TMEM63B: variants seen among roughly 807,000 people sequenced by gnomAD.
TMEM63B encodes transmembrane protein 63B, also known as mechanosensitive cation channel TMEM63B.
Under a neutral mutation model 102.6 loss-of-function variants are expected in TMEM63B, and 23 were observed. The observed-to-expected ratio is 0.22, with a 90% CI of 0.16 to 0.32. The LOEUF is 0.32. Ranked by LOEUF, TMEM63B falls within the 10% of genes least tolerant of loss-of-function variation. TMEM63B has a pLI of 1.00. For missense variants in TMEM63B, 628 were observed against 1,095.9 expected, an observed-to-expected ratio of 0.57 and a Z score of 6.03; for synonymous variants, 444 against 437.0, an observed-to-expected ratio of 1.02 and a Z score of -0.20.
At chr6:44,132,873 C>A (rs539369532) in intron 1 of TMEM63B, among the ~76,000 whole-genome samples, 1 of 152,276 alleles carries the variant, frequency 6.6e-6, no homozygotes, top group South Asian at 2.1e-4. Flanking sequence ...CTAGGAACAT[C>A]AGAAAAGCAC....
At chr6:44,138,623 G>T in intron 6 of TMEM63B, 106 bp downstream of exon 6, 1 of 1,316,448 alleles carries the variant, frequency 7.6e-7, no homozygotes, top group South Asian at 1.2e-5. Context: ...AGCACTCCTC[G>T]CCAGCACAGC....
chr6:44,129,350 A>G (rs1048721276), intron 1 of TMEM63B, among the ~76,000 whole-genome samples: 7 of 146,952 alleles, frequency 4.8e-5, no homozygotes, highest in African/African-American at 1.8e-4. Flanking sequence ...CCTGGGTGAC[A>G]GAGCAAGACT....
rs1767064802 is a variant in TMEM63B, at chr6:44,152,896, G to T, written c.1942+198G>T. ...GGGGGAGAGCCATCAGCTCAGGCCAGACCCAGCTGGCATGTGGGCCCCAGG... is the reference window on the plus strand; with the variant it reads ...GGGGGAGAGCCATCAGCTCAGGCCATACCCAGCTGGCATGTGGGCCCCAGG... On this transcript the variant is annotated intron_variant, in intron 20 of 23. Coordinates refer to ENST00000323267, the MANE Select transcript of TMEM63B (RefSeq NM_018426.3). The surrounding 1 kb of genome is among the most constrained non-coding windows in gnomAD (Gnocchi z 6.4). Among the ~76,000 whole-genome samples, 1 of 152,186 alleles carries T rather than the reference G, an allele frequency of 6.6e-6. No individual in the cohort carries two copies. The highest frequency in any genetic ancestry group is 2.1e-4 in the South Asian group (1 of 4,836).
intron 10 of TMEM63B, among the ~76,000 whole-genome samples, chr6:44,144,327 T>C (rs1037697599): frequency 6.6e-6 from 1 of 152,162 alleles, no homozygotes; most frequent in African/African-American, 2.4e-5. Flanking sequence ...ATATCTTGCA[T>C]GCAAATCAAC....
At chr6:44,138,685 G>A in intron 6 of TMEM63B, 168 bp downstream of exon 6, 1 of 631,540 alleles carries the variant, frequency 1.6e-6, no homozygotes, top group Non-Finnish European at 2.7e-6. Flanking sequence ...AGCCTCTGCT[G>A]TACCCTGAAC....
At chr6:44,135,426 C>A in intron 4 of TMEM63B, 60 bp downstream of exon 4, 1 of 1,553,674 alleles carries the variant, frequency 6.4e-7, no homozygotes, top group South Asian at 1.2e-5. Flanking sequence ...TCTTCTCTCA[C>A]GCTTCTCTTC....
chr6:44,146,695 C>T (rs1765485600), intron 10 of TMEM63B, 152 bp from the exon 11 acceptor site: 3 of 725,776 alleles, frequency 4.1e-6, no homozygotes, highest in South Asian at 3.1e-5. Flanking sequence ...AGGTGATCCT[C>T]CCGCTTCGGC....
chr6:44,147,213 C>T (rs1305111698), intron 11 of TMEM63B, among the ~76,000 whole-genome samples, 164 bp from the exon 12 acceptor site: 2 of 152,082 alleles, frequency 1.3e-5, no homozygotes, highest in Non-Finnish European at 2.9e-5. Flanking sequence ...GAACTTCTGG[C>T]CCTCTAGGGA....
chr6:44,145,274 CAA>C (rs34315211), intron 10 of TMEM63B, among the ~76,000 whole-genome samples: 47 of 105,734 alleles, frequency 4.4e-4, no homozygotes, highest in East Asian at 1.2e-3. Context: ...GACTCCGCCT[CAA>C]AAAAAAAAAA....
intron 6 of TMEM63B, 92 bp downstream of exon 6, chr6:44,138,609 C>A: frequency 6.8e-7 from 1 of 1,470,100 alleles, no homozygotes. Flanking sequence ...GCTTTCAGGG[C>A]CTTAGCACTC....
intron 9 of TMEM63B, among the ~76,000 whole-genome samples, chr6:44,140,754 C>G (rs1312904315): frequency 6.6e-6 from 1 of 152,122 alleles, no homozygotes; most frequent in Non-Finnish European, 1.5e-5. Flanking sequence ...AGTAGTACCC[C>G]CTTCTGCCTC....
chr6:44,133,698 G>C (rs1425226189), intron 1 of TMEM63B, among the ~76,000 whole-genome samples: 1 of 152,210 alleles, frequency 6.6e-6, no homozygotes, highest in African/African-American at 2.4e-5. Flanking sequence ...CCAGTTGCAG[G>C]CAACCAGGCA....
In TMEM63B at chr6:44,153,816, C is replaced by T. The variant is rs143617934; in HGVS notation, c.2083C>T (p.Leu695=). The T allele has an allele frequency of 1.9e-4, 311 of 1,613,944 alleles. 7 individuals are homozygous for T. In the South Asian group the frequency reaches 2.3e-3, roughly 12 times the overall value. Residue 695 remains leucine (L), a synonymous_variant, in exon 21 of 24, where the codon CTG becomes TTG. Transcript: ENST00000323267. ...VAAPILCLFW[L]LFFSTMRTGF... is the part of the protein sequence containing the mutation. The stretch of plus-strand genomic sequence containing the variant: ...CGCGCCCATCCTCTGCCTCTTCTGG[C>T]TGCTCTTCTTTTCCACCATGCGCAC...
chr6:44,145,211 G>T (rs1765101369), intron 10 of TMEM63B, among the ~76,000 whole-genome samples: 1 of 149,124 alleles, frequency 6.7e-6, no homozygotes, highest in Non-Finnish European at 1.5e-5. Context: ...AGAGGTGGAG[G>T]TTACAGTGAG....
intron 5 of TMEM63B, among the ~76,000 whole-genome samples, chr6:44,137,889 G>A (rs1367506379): frequency 2.6e-5 from 4 of 151,946 alleles, no homozygotes; most frequent in Admixed American, 1.3e-4. Flanking sequence ...AGTAAGAGAC[G>A]GGGTGTCACC....
chr6:44,136,273 T>C (rs769045894), intron 4 of TMEM63B, 76 bp from the exon 5 acceptor site: 32 of 1,213,984 alleles, frequency 2.6e-5, no homozygotes, highest in African/African-American at 5.9e-5. Context: ...GCCCTGGAGC[T>C]CTGGAGCACT....
In TMEM63B at chr6:44,150,459, C is replaced by T. The variant is rs564529661; in HGVS notation, c.1608-105C>T. 23 of 1,488,446 alleles carry T rather than the reference C, an allele frequency of 1.5e-5. No homozygotes were observed. The East Asian group carries it at 4.8e-4, about 31-fold the overall frequency. The allele number at this position is 1,488,446 out of a possible 1,614,324, so 92.2% of individuals were successfully genotyped here. A position where few individuals can be genotyped will look rare whatever the true frequency, so the allele number is the denominator to read the frequency against. On this transcript the variant is annotated intron_variant, in intron 17 of 23. Coordinates refer to ENST00000323267, the MANE Select transcript of TMEM63B (RefSeq NM_018426.3). This position sits in a 1 kb window ranked among gnomAD's most constrained non-coding sequence, Gnocchi z 4.7. ...CCCAGGCCTCCTGAGCTACCCACCC[C>T]ATGTCTGGGAGTCTCCCCAGTGGCT...
At chr6:44,138,180 C>T (rs1261848835) in intron 5 of TMEM63B, among the ~76,000 whole-genome samples, 3 of 152,100 alleles carry the variant, frequency 2.0e-5, no homozygotes, top group Non-Finnish European at 4.4e-5. Flanking sequence ...CCCCAAGCCC[C>T]ACCCATCCCA....
chr6:44,141,900 T>C (rs1027482931), intron 10 of TMEM63B, among the ~76,000 whole-genome samples: 1 of 147,890 alleles, frequency 6.8e-6, no homozygotes, highest in Non-Finnish European at 1.5e-5. Flanking sequence ...AGTGGGCAGA[T>C]CACTTGAGCC....
Sources: gnomAD v4.1 joint callset for allele counts (sites outside exome capture counted in the v4.1 genomes callset) on GRCh38, gnomAD v4.1.1 for gene constraint, Gnocchi (gnomAD v3.1) non-coding constraint, MANE v1.5 for transcripts, NCBI Gene and HGNC (gene_info 2026-07-23, HGNC 2026-07-21) for gene names.